Variants in ZSWIM5 observed in about 807,000 individuals in gnomAD.
ZSWIM5 encodes zinc finger SWIM-type containing 5, also known as zinc finger SWIM domain-containing protein 5.
In ZSWIM5, 55 loss-of-function variants were observed where a neutral mutation model predicts 119.6. The observed-to-expected ratio is 0.46, with a 90% confidence interval of 0.37 to 0.58. The LOEUF (loss-of-function observed/expected upper bound fraction) is 0.58. Ranked by LOEUF, ZSWIM5 falls within the 20% of genes least tolerant of loss-of-function variation. The pLI is 0.00. For missense variants in ZSWIM5, 1,193 were observed against 1,512.8 expected, an observed-to-expected ratio of 0.79 and a Z score of 3.51; for synonymous variants, 537 against 606.9, an observed-to-expected ratio of 0.88 and a Z score of 1.69.
rs753863222 is a variant in ZSWIM5, at chr1:45,038,963, T to C, written c.1867A>G (p.Asn623Asp). 6 of 1,613,972 alleles carry C rather than the reference T, an allele frequency of 3.7e-6. No individual in the cohort carries two copies. The highest frequency in any genetic ancestry group is 5.1e-6 in the Non-Finnish European group (6 of 1,180,016). The change falls in exon 8 of 14, where the codon AAT (asparagine) becomes GAT (aspartate). Residue 623 changes from asparagine to aspartate, a missense_variant. Coordinates refer to ENST00000359600, the MANE Select transcript of ZSWIM5 (RefSeq NM_020883.2). The part of the protein sequence containing the change: ...FLTLTEACRL[N>D]DDGYLEMSDM... ...GACATCTCCAGATAGCCATCATCAT[T>C]CAGGCGGCAGGCCTCAGTCAAAGTG...
At chr1:45,182,414 AC>A (rs747034155) in intron 1 of ZSWIM5, among the ~76,000 whole-genome samples, 10,112 of 147,744 alleles carry the variant, frequency 0.068, 839 homozygotes, top group Non-Finnish European at 0.1. Context: ...AAAAAAACAA[AC>A]AAACAAACAA....
At chr1:45,132,680 G>T (rs187363902) in intron 1 of ZSWIM5, among the ~76,000 whole-genome samples, 2 of 152,060 alleles carry the variant, frequency 1.3e-5, no homozygotes, top group Admixed American at 1.3e-4. Context: ...TGTTACATAT[G>T]TATACATGTG....
intron 4 of ZSWIM5, among the ~76,000 whole-genome samples, chr1:45,051,598 A>G (rs1645088778): frequency 6.6e-6 from 1 of 152,206 alleles, no homozygotes; most frequent in Admixed American, 6.5e-5. Flanking sequence ...ACCCTTGAGG[A>G]ACTGTCTAGT....
intron 1 of ZSWIM5, among the ~76,000 whole-genome samples, chr1:45,128,989 A>C (rs1488298998): frequency 6.6e-6 from 1 of 152,102 alleles, no homozygotes; most frequent in Non-Finnish European, 1.5e-5. Flanking sequence ...GCACCAAAAA[A>C]TATCTCATTG....
At chr1:45,162,650 A>T (rs891904977) in intron 1 of ZSWIM5, among the ~76,000 whole-genome samples, 2 of 152,244 alleles carry the variant, frequency 1.3e-5, no homozygotes, top group African/African-American at 4.8e-5. Context: ...CGATCTTAGC[A>T]AACAGCACAC....
chr1:45,188,770 AC>A (rs1445957072), intron 1 of ZSWIM5, among the ~76,000 whole-genome samples: 1 of 152,034 alleles, frequency 6.6e-6, no homozygotes, highest in Non-Finnish European at 1.5e-5. Flanking sequence ...ACAAACAAAA[AC>A]CCTAGCAAGG....
At chr1:45,050,955 C>CTTTTT in intron 5 of ZSWIM5, 119 bp downstream of exon 5, 1 of 995,600 alleles carries the variant, frequency 1.0e-6, no homozygotes. Context: ...ACAGGCTTTT[C>CTTTTT]TTATTTAGAA....
intron 2 of ZSWIM5, among the ~76,000 whole-genome samples, chr1:45,077,195 A>T (rs958044002): frequency 6.6e-6 from 1 of 151,978 alleles, no homozygotes. Flanking sequence ...AGAGTTAGGT[A>T]TTTGTTGTAG....
chr1:45,158,546 C>T (rs1407429621), intron 1 of ZSWIM5, among the ~76,000 whole-genome samples: 1 of 152,180 alleles, frequency 6.6e-6, no homozygotes, highest in Non-Finnish European at 1.5e-5. Context: ...TAAAACCTGG[C>T]TCTGCATATA....
intron 1 of ZSWIM5, among the ~76,000 whole-genome samples, chr1:45,147,717 C>G (rs950999496): frequency 6.6e-5 from 10 of 151,860 alleles, no homozygotes; most frequent in African/African-American, 2.4e-4. Flanking sequence ...TCTTACTCTT[C>G]CCTTTTCTCA....
intron 1 of ZSWIM5, among the ~76,000 whole-genome samples, chr1:45,190,364 T>C (rs1054229448): frequency 2.0e-5 from 3 of 151,988 alleles, no homozygotes; most frequent in African/African-American, 7.3e-5. Context: ...GTAAACCACT[T>C]AGACCACCAG....
At chr1:45,020,043 G>A (rs778130949) in intron 13 of ZSWIM5, 23 bp downstream of exon 13, 27 of 1,604,590 alleles carry the variant, frequency 1.7e-5, no homozygotes, top group Non-Finnish European at 2.3e-5. Context: ...TCCCCTGGGG[G>A]TAGAGGGAGG....
intron 2 of ZSWIM5, among the ~76,000 whole-genome samples, chr1:45,085,959 T>A (rs994748181): frequency 1.3e-5 from 2 of 152,192 alleles, no homozygotes; most frequent in Non-Finnish European, 2.9e-5. Flanking sequence ...AGTACCAATT[T>A]TCTGTATTGG....
Position 45,043,404 on chromosome 1 carries a change from A to G in ZSWIM5, c.1433-9T>C. On this transcript the variant is annotated splice_polypyrimidine_tract_variant and intron_variant, in intron 5 of 13. Coordinates refer to ENST00000359600, the MANE Select transcript of ZSWIM5 (RefSeq NM_020883.2). ...TGGTCTGGATAAGGAGTCTGGAGAA[A>G]GAAGAACATGCAGCAGTACAGTGAC... 1.2e-6 allele frequency: 2 copies of G among 1,613,916 alleles called. No homozygotes were observed. Among genetic ancestry groups the G allele is most frequent in the South Asian group, 2.2e-5 (2 of 91,088 alleles).
At chr1:45,142,487 G>T (rs573703596) in intron 1 of ZSWIM5, among the ~76,000 whole-genome samples, 13 of 152,166 alleles carry the variant, frequency 8.5e-5, no homozygotes, top group African/African-American at 3.1e-4. Flanking sequence ...TAGTAGCTTG[G>T]ACCACAGGTA....
chr1:45,039,191 T>C (rs1215649169), intron 7 of ZSWIM5, 118 bp from the exon 8 acceptor site: 7 of 1,260,794 alleles, frequency 5.6e-6, no homozygotes, highest in Non-Finnish European at 7.7e-6. Flanking sequence ...TAAAAGCTTC[T>C]CTATTGTCTT....
chr1:45,191,166 C>T (rs1237974439), intron 1 of ZSWIM5, among the ~76,000 whole-genome samples: 1 of 151,644 alleles, frequency 6.6e-6, no homozygotes, highest in Non-Finnish European at 1.5e-5. Context: ...TTATCCTGAC[C>T]TCGTGATCCG....
chr1:45,181,949 C>T (rs1201528310), intron 1 of ZSWIM5, among the ~76,000 whole-genome samples: 1 of 152,078 alleles, frequency 6.6e-6, no homozygotes, highest in African/African-American at 2.4e-5. Flanking sequence ...CATGGAAAGG[C>T]ACAACTGGTA....
intron 1 of ZSWIM5, among the ~76,000 whole-genome samples, chr1:45,153,203 A>G (rs1645807791): frequency 6.6e-6 from 1 of 151,898 alleles, no homozygotes. Context: ...CCACTGTGGA[A>G]AGCAGCTTGG....
Sources: allele counts gnomAD v4.1 joint callset (sites outside exome capture counted in the v4.1 genomes callset), GRCh38; gene constraint gnomAD v4.1.1; transcripts MANE v1.5; gene names NCBI Gene and HGNC (gene_info 2026-07-23, HGNC 2026-07-21).